Variants in AKAP13 observed in about 807,000 individuals in gnomAD.
AKAP13 encodes the protein A-kinase anchoring protein 13.
AKAP13 carries 80 observed loss-of-function variants against 264.5 expected under a neutral mutation model. The ratio of observed to expected loss-of-function variants is 0.30; its 90% confidence interval spans 0.25 to 0.36. The LOEUF is 0.36. Among genes scored for constraint, AKAP13 ranks in the 10% least tolerant of loss-of-function variants. The probability of loss-of-function intolerance (pLI) is 1.00; values close to 1 mark genes in which losing one functional copy is unlikely to be tolerated. For missense variants in AKAP13, 3,712 were observed against 3,435.2 expected (o/e 1.08, Z -2.01); for synonymous variants, 1,380 against 1,250.2 (o/e 1.10, Z -2.19).
chr15:85,500,216 C>A (rs1162947280), intron 2 of AKAP13, among the ~76,000 whole-genome samples: 1 of 152,090 alleles, frequency 6.6e-6, no homozygotes, highest in African/African-American at 2.4e-5. Context: ...GAGGTGCTCT[C>A]CTAGTGAAAA....
chr15:85,736,042 T>A, intron 32 of AKAP13, 48 bp from the exon 33 acceptor site: 1 of 1,409,112 alleles, frequency 7.1e-7, no homozygotes, highest in Admixed American at 1.7e-5. Context: ...AATGTCATTT[T>A]TGCATCAAGA....
At chr15:85,637,316 T>G (rs116710184) in intron 8 of AKAP13, among the ~76,000 whole-genome samples, 1,841 of 152,370 alleles carry the variant, frequency 0.012, 39 homozygotes, top group African/African-American at 0.042. Flanking sequence ...TGGACTCAAT[T>G]GCTTTAATAG....
chr15:85,700,409 T>G (rs1567202332), intron 17 of AKAP13, among the ~76,000 whole-genome samples: 1 of 152,204 alleles, frequency 6.6e-6, no homozygotes, highest in Non-Finnish European at 1.5e-5. Context: ...ATCAGTGTCG[T>G]ATGTGCTAGA....
chr15:85,437,948 T>G (rs1451427714), intron 1 of AKAP13, among the ~76,000 whole-genome samples: 1 of 147,000 alleles, frequency 6.8e-6, no homozygotes, highest in Non-Finnish European at 1.5e-5. Flanking sequence ...TTCAACATAG[T>G]GTTGGAAGTT....
Position 85,500,304 on chromosome 15 carries a change from C to T in AKAP13, c.33+14551C>T, listed in dbSNP as rs146019349. 1.4e-4 allele frequency among the ~76,000 whole-genome samples: 22 copies of T among 152,268 alleles called. 1 individual carries two copies. In the East Asian group the frequency reaches 4.0e-3, roughly 28 times the overall value. On this transcript the variant is annotated intron_variant, in intron 2 of 36. Transcript: ENST00000394518. The stretch of plus-strand genomic sequence containing the variant: ...CTTCCGTGTGGTGTGTGGGTATTTA[C>T]TTGGAACACTCTGTGTTTGCTTCTT...
At chr15:85,564,536 C>T (rs530626565) in intron 5 of AKAP13, among the ~76,000 whole-genome samples, 35 of 152,246 alleles carry the variant, frequency 2.3e-4, no homozygotes, top group African/African-American at 7.2e-4. Context: ...AGTTTATATT[C>T]TACTTTTCAC....
At chr15:85,425,085 C>T (rs1471275907) in intron 1 of AKAP13, among the ~76,000 whole-genome samples, 1 of 152,082 alleles carries the variant, frequency 6.6e-6, no homozygotes, top group African/African-American at 2.4e-5. Flanking sequence ...ATATTGTGAG[C>T]ATTACCAAAA....
At chr15:85,726,627 C>A (rs1302676502) in intron 27 of AKAP13, 141 bp downstream of exon 27, 20 of 680,158 alleles carry the variant, frequency 2.9e-5, no homozygotes, top group African/African-American at 3.7e-5. Flanking sequence ...TTCCCACATG[C>A]CCTCAGAATT....
chr15:85,426,965 T>TG (rs1020062270), intron 1 of AKAP13, among the ~76,000 whole-genome samples: 1 of 149,206 alleles, frequency 6.7e-6, no homozygotes, highest in African/African-American at 2.5e-5. Context: ...GTTTTTTTTT[T>TG]TTTTTTTGGG....
At chr15:85,570,092 A>AAAAAC (rs1215969432) in intron 5 of AKAP13, among the ~76,000 whole-genome samples, 5 of 151,374 alleles carry the variant, frequency 3.3e-5, no homozygotes, top group African/African-American at 9.7e-5. Flanking sequence ...AAAAAAAAAA[A>AAAAAC]AAACCACTGG....
chr15:85,424,942 C>G (rs567170648), intron 1 of AKAP13, among the ~76,000 whole-genome samples: 1 of 152,290 alleles, frequency 6.6e-6, no homozygotes, highest in South Asian at 2.1e-4. Context: ...ACATACACAA[C>G]ATTTATTTAG....
rs1161365911 is a variant in AKAP13, at chr15:85,644,693, CAAAAAAAA to C, written c.4238-1109_4238-1102del. 9.4e-3 allele frequency among the ~76,000 whole-genome samples: 979 copies of C among 103,914 alleles called. 4 individuals are homozygous for C. The highest frequency in any genetic ancestry group is 0.012 in the Non-Finnish European group (656 of 52,684). The allele number at this position is 103,914 out of a possible 152,430, so 68.2% of individuals were successfully genotyped here. On this transcript the variant is annotated intron_variant, in intron 9 of 36. Transcript: ENST00000394518. ...TGAAACCTCATCTCTACTAAAAATA[CAAAAAAAA>C]AAAAAAAAAAAAAAATTAGCCAGGC...
chr15:85,579,614 G>A lies in AKAP13; in HGVS notation c.1546G>A (p.Ala516Thr). 6.2e-7 allele frequency: 1 copy of A among 1,614,222 alleles called. No homozygotes were observed. Among genetic ancestry groups the A allele is most frequent in the South Asian group, 1.1e-5 (1 of 91,090 alleles). Residue 516 changes from alanine to threonine, a missense_variant, in exon 7 of 37, where the codon GCT becomes ACT. Transcript: ENST00000394518. ...ERFENSNIGT[A>T]GASDVHVTSK... ...ATTTGAGAACTCTAATATTGGCACAGCTGGAGCCTCTGACGTGCACGTCAC... is the reference window on the plus strand; with the variant it reads ...ATTTGAGAACTCTAATATTGGCACAACTGGAGCCTCTGACGTGCACGTCAC...
intron 6 of AKAP13, among the ~76,000 whole-genome samples, chr15:85,576,641 G>C (rs1198746631): frequency 2.0e-5 from 3 of 152,192 alleles, no homozygotes; most frequent in Non-Finnish European, 2.9e-5. Flanking sequence ...AATGCCAGAG[G>C]CTTCTTTGGG....
chr15:85,663,500 A>T (rs1418187468), intron 12 of AKAP13, among the ~76,000 whole-genome samples: 1 of 152,234 alleles, frequency 6.6e-6, no homozygotes, highest in Admixed American at 6.5e-5. Flanking sequence ...TAAATAATTT[A>T]AAAAAGCAAA....
At chr15:85,409,922 C>T (rs147017826) in intron 1 of AKAP13, among the ~76,000 whole-genome samples, 2,384 of 151,608 alleles carry the variant, frequency 0.016, 32 homozygotes, top group Non-Finnish European at 0.026. Flanking sequence ...TGAGACACCG[C>T]GCCTGGCCTG....
chr15:85,513,195 C>T (rs2076500933), intron 2 of AKAP13, among the ~76,000 whole-genome samples: 1 of 152,042 alleles, frequency 6.6e-6, no homozygotes, highest in Admixed American at 6.5e-5. Context: ...GGGTAAAAGG[C>T]GCTTGTGTGA....
rs987140061 is a variant in AKAP13, at chr15:85,745,367, A to C, written c.*690A>C. The C allele has an allele frequency of 6.6e-6, 1 of 151,494 alleles. No individual in the cohort carries two copies. The highest frequency in any genetic ancestry group is 1.9e-4 in the East Asian group (1 of 5,134). 9.4% of individuals were successfully genotyped at this position (151,494 alleles called of 1,614,324 possible). A position where few individuals can be genotyped will look rare whatever the true frequency, so the allele number is the denominator to read the frequency against. On this transcript the variant is annotated 3_prime_UTR_variant, in exon 37 of 37. Coordinates refer to ENST00000394518, the MANE Select transcript of AKAP13 (RefSeq NM_007200.5). ...AGTGAGAGAAGGCTTGATGTGTATAAAAGACGTGATGTGCACCACCTCGAT... is the reference window on the plus strand; with the variant it reads ...AGTGAGAGAAGGCTTGATGTGTATACAAGACGTGATGTGCACCACCTCGAT...
intron 13 of AKAP13, among the ~76,000 whole-genome samples, chr15:85,667,976 G>GT (rs1272414449): frequency 6.6e-6 from 1 of 152,156 alleles, no homozygotes; most frequent in East Asian, 1.9e-4. Flanking sequence ...TAAAGTTGTT[G>GT]TTTTAGTGCC....
Sources: allele counts gnomAD v4.1 joint callset (sites outside exome capture counted in the v4.1 genomes callset), GRCh38; gene constraint gnomAD v4.1.1; transcripts MANE v1.5; gene names NCBI Gene and HGNC (gene_info 2026-07-23, HGNC 2026-07-21).